AHSG: variants seen among roughly 807,000 people sequenced by gnomAD.
The protein encoded by AHSG is alpha 2-HS glycoprotein, also known as alpha-2-HS-glycoprotein.
AHSG carries 23 observed loss-of-function variants against 30.1 expected under a neutral mutation model. The observed-to-expected ratio is 0.76, with a 90% confidence interval of 0.55 to 1.08. AHSG has a LOEUF of 1.08. Among genes scored for constraint, AHSG ranks in the 50% least tolerant of loss-of-function variants. The probability of loss-of-function intolerance (pLI) is 0.00; values close to 1 mark genes in which losing one functional copy is unlikely to be tolerated. For missense variants in AHSG, 469 were observed against 459.5 expected, an observed-to-expected ratio of 1.02 and a Z score of -0.19; for synonymous variants, 164 against 186.3, an observed-to-expected ratio of 0.88 and a Z score of 0.98.
At chr3:186,619,972 C>A (rs753869839) in intron 6 of AHSG, 32 bp downstream of exon 6, 2 of 1,532,854 alleles carry the variant, frequency 1.3e-6, no homozygotes, top group South Asian at 1.2e-5. Context: ...TTGCCTACAC[C>A]TTCAGAATAC....
chr3:186,615,723 C>G lies in AHSG; in HGVS notation c.252C>G (p.Thr84=). 1 of 1,614,218 alleles carries G rather than the reference C, an allele frequency of 6.2e-7. No homozygotes were observed. The highest frequency in any genetic ancestry group is 8.5e-7 in the Non-Finnish European group (1 of 1,180,040). The part of the protein sequence containing the change: ...SGELFEIEID[T]LETTCHVLDP... Reference sequence around the variant, plus strand: ...AGCTGTTTGAGATTGAAATAGACACCCTGGAAACCACCTGCCATGTGCTGG... The same window carrying G: ...AGCTGTTTGAGATTGAAATAGACACGCTGGAAACCACCTGCCATGTGCTGG... The change falls in exon 2 of 7, where the codon ACC becomes ACG. Residue 84 remains threonine (T), a synonymous_variant. Transcript: ENST00000411641.
At chr3:186,617,938 G>A (rs752327835) in intron 4 of AHSG, 5 of 168,106 alleles carry the variant, frequency 3.0e-5, no homozygotes, top group Admixed American at 5.6e-5. Flanking sequence ...TAGTATAGAC[G>A]GCAATTCTAT....
At chr3:186,617,092 A>G in intron 3 of AHSG, 95 bp from the exon 4 acceptor site, 2 of 1,521,100 alleles carry the variant, frequency 1.3e-6, no homozygotes, top group East Asian at 2.3e-5. Flanking sequence ...GCCTGAAGCT[A>G]TCTGGGGAAT....
At position 186,620,977 on chromosome 3, in the gene AHSG, A is replaced by G. The variant is rs1560012042; in HGVS notation, c.*47A>G. 6.4e-7 allele frequency: 1 copy of G among 1,567,096 alleles called. No homozygotes were observed. The highest frequency in any genetic ancestry group is 8.7e-7 in the Non-Finnish European group (1 of 1,149,244). ...GAGGTTTGGCACAGAAAACATAGCC[A>G]CCATTTTGTCCAAGCCTGGGCATGG... On this transcript the variant is annotated 3_prime_UTR_variant, in exon 7 of 7. Transcript: ENST00000411641.
chr3:186,620,089 C>A, intron 6 of AHSG, 149 bp downstream of exon 6: 1 of 559,342 alleles, frequency 1.8e-6, no homozygotes, highest in South Asian at 3.7e-5. Flanking sequence ...GCGGAATCAT[C>A]AACAAATGGA....
rs528041551 is a variant in AHSG at position 186,614,478 on chromosome 3, G to A, written c.213+1124G>A. On this transcript the variant is annotated intron_variant, in intron 1 of 6. Coordinates refer to ENST00000411641, the MANE Select transcript of AHSG (RefSeq NM_001622.4). ...CTGGACCGACTGACGACTGCCATCC[G>A]TCTCACAAAGAGACAAAATATTTGA... 8.5e-5 allele frequency among the ~76,000 whole-genome samples: 13 copies of A among 152,324 alleles called. No individual in the cohort carries two copies. The East Asian group carries it at 2.3e-3, about 27-fold the overall frequency.
At chr3:186,614,186 AG>A (rs1716228589) in intron 1 of AHSG, among the ~76,000 whole-genome samples, 1 of 152,242 alleles carries the variant, frequency 6.6e-6, no homozygotes, top group Non-Finnish European at 1.5e-5. Flanking sequence ...AGAGGTGGAA[AG>A]AAGCTGTCTG....
chr3:186,616,707 G>A (rs891814062), intron 3 of AHSG, among the ~76,000 whole-genome samples, 180 bp downstream of exon 3: 2 of 152,120 alleles, frequency 1.3e-5, no homozygotes, highest in African/African-American at 4.8e-5. Context: ...GGCCTGGTGC[G>A]GTGGCTCACG....
chr3:186,616,910 C>T (rs997733500), intron 3 of AHSG, among the ~76,000 whole-genome samples: 1 of 152,082 alleles, frequency 6.6e-6, no homozygotes, highest in African/African-American at 2.4e-5. Context: ...GGCAGTGGGC[C>T]GAGATCGCAC....
At position 186,615,798 on chromosome 3, in the gene AHSG, G is replaced by A. The variant is rs764363569; in HGVS notation, c.324+3G>A. On this transcript the variant is annotated splice_donor_region_variant and intron_variant, in intron 2 of 6. Coordinates refer to ENST00000411641, the MANE Select transcript of AHSG (RefSeq NM_001622.4). ...GCGTGAGGCAGCTGAAGGAGCATGT[G>A]AGTACCCTTCTTAGGATGACTGTAG... 21 of 1,613,252 alleles carry A rather than the reference G, an allele frequency of 1.3e-5. 1 individual carries two copies. Among genetic ancestry groups the A allele is most frequent in the Non-Finnish European group, 1.8e-5 (21 of 1,179,150 alleles).
rs751536127 is a variant in AHSG, at chr3:186,621,090, C to T, written c.*160C>T. On this transcript the variant is annotated 3_prime_UTR_variant, in exon 7 of 7. Coordinates refer to ENST00000411641, the MANE Select transcript of AHSG (RefSeq NM_001622.4). ...TGACTCCCTACTTCCCGTCATTCCT[C>T]ACAGGACAGAAGCAGAGTGGGTGGT... is the stretch of plus-strand genomic sequence containing the variant. The T allele has an allele frequency of 4.3e-6, 3 of 696,690 alleles. No individual in the cohort carries two copies. Among genetic ancestry groups the T allele is most frequent in the Non-Finnish European group, 7.1e-6 (3 of 422,706 alleles). The allele number at this position is 696,690 out of a possible 1,614,324, so 43.2% of individuals were successfully genotyped here.
In AHSG at chr3:186,619,594, T is replaced by G. The variant is rs558656576; in HGVS notation, c.676-263T>G. On this transcript the variant is annotated intron_variant, in intron 5 of 6. Transcript: ENST00000411641. ...ATTTTTAAATCATATTTAATAGTAT[T>G]TTAAAATAAGAAAGAAATGCATCAA... 6.9e-4 allele frequency among the ~76,000 whole-genome samples: 105 copies of G among 152,274 alleles called. 1 individual carries two copies. Among genetic ancestry groups the G allele is most frequent in the African/African-American group, 2.5e-3 (103 of 41,562 alleles).
At position 186,621,050 on chromosome 3, in the gene AHSG, A is replaced by G. The variant is rs1026889709; in HGVS notation, c.*120A>G. The G allele has an allele frequency of 7.6e-6, 7 of 922,454 alleles. No individual in the cohort carries two copies. The Admixed American group carries it at 9.8e-5, about 13-fold the overall frequency. 57.1% of individuals were successfully genotyped at this position (922,454 alleles called of 1,614,324 possible). On this transcript the variant is annotated 3_prime_UTR_variant, in exon 7 of 7. Coordinates refer to ENST00000411641, the MANE Select transcript of AHSG (RefSeq NM_001622.4). ...CACGCAAGTGTCACATGCGATCTAC[A>G]TTAATATCAAGTCTTGACTCCCTAC...
intron 1 of AHSG, among the ~76,000 whole-genome samples, chr3:186,614,648 G>A (rs1716240178): frequency 6.6e-6 from 1 of 152,204 alleles, no homozygotes; most frequent in Non-Finnish European, 1.5e-5. Context: ...AATGGGCATT[G>A]TGACTTTTAC....
At position 186,615,859 on chromosome 3, in the gene AHSG, G is replaced by A. The variant is rs147450618; in HGVS notation, c.324+64G>A. 1.3e-3 allele frequency: 1,931 copies of A among 1,434,090 alleles called. 25 individuals are homozygous for A. In the African/African-American group the frequency reaches 0.023, roughly 17 times the overall value. The allele number at this position is 1,434,090 out of a possible 1,614,324, so 88.8% of individuals were successfully genotyped here. A position where few individuals can be genotyped will look rare whatever the true frequency, so the allele number is the denominator to read the frequency against. On this transcript the variant is annotated intron_variant, in intron 2 of 6. Coordinates refer to ENST00000411641, the MANE Select transcript of AHSG (RefSeq NM_001622.4). ...GGCCAGCTCCACCGATTCACCCAGC[G>A]TCTCAGCCTGCCTTCTTGGCTAGCC... is the stretch of plus-strand genomic sequence containing the variant.
intron 5 of AHSG, among the ~76,000 whole-genome samples, chr3:186,619,260 G>A (rs1716403075): frequency 6.6e-6 from 1 of 152,136 alleles, no homozygotes; most frequent in African/African-American, 2.4e-5. Context: ...TCGTGCCACT[G>A]CACTCCAGCC....
Position 186,620,553 on chromosome 3 carries a change from C to T in AHSG, c.760-33C>T, listed in dbSNP as rs771455281. The T allele has an allele frequency of 3.9e-6, 6 of 1,550,152 alleles. No individual in the cohort carries two copies. The African/African-American group carries it at 8.2e-5, about 21-fold the overall frequency. ...GGTTGTCTTGCCTGGGAGGAGGAAGCAAACTAACTGAAGGAAATGGTCCTT... is the reference window on the plus strand; with the variant it reads ...GGTTGTCTTGCCTGGGAGGAGGAAGTAAACTAACTGAAGGAAATGGTCCTT... On this transcript the variant is annotated intron_variant, in intron 6 of 6. Coordinates refer to ENST00000411641, the MANE Select transcript of AHSG (RefSeq NM_001622.4).
Position 186,618,456 on chromosome 3 carries a change from G to A in AHSG, c.574-80G>A, listed in dbSNP as rs945676067. On this transcript the variant is annotated intron_variant, in intron 4 of 6. Transcript: ENST00000411641. ...TGCATGAATGGTGCTCCCCGAAGGA[G>A]GCTACTTCCCGCTCTCCTTCTCTGC... 3.8e-6 allele frequency: 6 copies of A among 1,579,154 alleles called. No individual in the cohort carries two copies. The African/African-American group carries it at 8.1e-5, about 21-fold the overall frequency.
In AHSG at chr3:186,615,874, C is replaced by G. The variant is rs934881430; in HGVS notation, c.324+79C>G. On this transcript the variant is annotated intron_variant, in intron 2 of 6. Coordinates refer to ENST00000411641, the MANE Select transcript of AHSG (RefSeq NM_001622.4). ...TTCACCCAGCGTCTCAGCCTGCCTT[C>G]TTGGCTAGCCAGGGTGCAGTTTCTA... is the stretch of plus-strand genomic sequence containing the variant. The G allele has an allele frequency of 1.1e-5, 15 of 1,311,876 alleles. No individual in the cohort carries two copies. In the Admixed American group the frequency reaches 2.0e-4, roughly 18 times the overall value. 81.3% of individuals were successfully genotyped at this position (1,311,876 alleles called of 1,614,324 possible). A position where few individuals can be genotyped will look rare whatever the true frequency, so the allele number is the denominator to read the frequency against.
Sources: gnomAD v4.1 joint callset for allele counts (sites outside exome capture counted in the v4.1 genomes callset) on GRCh38, gnomAD v4.1.1 for gene constraint, MANE v1.5 for transcripts, NCBI Gene and HGNC (gene_info 2026-07-23, HGNC 2026-07-21) for gene names.